LHFPL1: variants seen among roughly 807,000 people sequenced by gnomAD.
The protein encoded by LHFPL1 is LHFPL tetraspan subfamily member 1.
In LHFPL1, 4 loss-of-function variants were observed where a neutral mutation model predicts 12.1. The observed-to-expected ratio is 0.33, with a 90% confidence interval of 0.16 to 0.76. The LOEUF is 0.76. Ranked by LOEUF, LHFPL1 falls within the 30% of genes least tolerant of loss-of-function variation. The pLI, the probability that LHFPL1 is intolerant of heterozygous loss-of-function variation, is 0.61. For missense variants in LHFPL1, 141 were observed against 174.1 expected, an observed-to-expected ratio of 0.81 and a Z score of 1.07; for synonymous variants, 52 against 61.9, an observed-to-expected ratio of 0.84 and a Z score of 0.75.
In LHFPL1 at chrX:112,654,488, CTAGA is replaced by C. The variant is rs928279630; in HGVS notation, c.481+6135_481+6138del. 4.6e-4 allele frequency among the ~76,000 whole-genome samples: 51 copies of C among 110,404 alleles called. 1 individual carries two copies. Among genetic ancestry groups the C allele is most frequent in the African/African-American group, 1.4e-3 (42 of 30,486 alleles). On this transcript the variant is annotated intron_variant, in intron 3 of 3. Coordinates refer to ENST00000371968, the MANE Select transcript of LHFPL1 (RefSeq NM_178175.4). ...AAACGCAAGGTGCAGAACAGTGTAG[CTAGA>C]TAGATAGAGAGCTAGATAATATGAT...
chrX:112,647,585 C>T lies in LHFPL1; in HGVS notation c.481+13042G>A, dbSNP rs1363844818. Among the ~76,000 whole-genome samples, 6 of 112,386 alleles carry T rather than the reference C, an allele frequency of 5.3e-5. No homozygotes were observed. In the South Asian group the frequency reaches 1.5e-3, roughly 28 times the overall value. On this transcript the variant is annotated intron_variant, in intron 3 of 3. Coordinates refer to ENST00000371968, the MANE Select transcript of LHFPL1 (RefSeq NM_178175.4). Reference sequence around the variant, plus strand: ...ACATATGAAAAAAAGCTCATCATCACTGGTCATTAGAGAAATGCAAATCAA... The same window carrying T: ...ACATATGAAAAAAAGCTCATCATCATTGGTCATTAGAGAAATGCAAATCAA...
chrX:112,660,606 CA>C lies in LHFPL1; in HGVS notation c.481+20del. On this transcript the variant is annotated intron_variant, in intron 3 of 3. Transcript: ENST00000371968. ...CACATTTCCCATGAACCATCACTGC[CA>C]TCTGCCCAGGCCACCTTACCTAACT... 2 of 1,162,099 alleles carry C rather than the reference CA, an allele frequency of 1.7e-6. No individual in the cohort carries two copies. The highest frequency in any genetic ancestry group is 2.4e-6 in the Non-Finnish European group (2 of 850,723).
At chrX:112,639,546 G>T (rs904059470) in intron 3 of LHFPL1, among the ~76,000 whole-genome samples, 4 of 111,636 alleles carry the variant, frequency 3.6e-5, no homozygotes, top group African/African-American at 1.3e-4. Context: ...TCCTCATGAC[G>T]ACAGAAATGC....
rs1253369158 is a variant in LHFPL1 at position 112,631,331 on chromosome X, C to G, written c.*89G>C. On this transcript the variant is annotated 3_prime_UTR_variant, in exon 4 of 4. Transcript: ENST00000371968. ...TGCAAACACTAGGCTATGCTAATGA[C>G]AGTCAGATGACAAATGGCCTAATCC... 1.3e-6 allele frequency: 1 copy of G among 785,338 alleles called. No homozygotes were observed. Among genetic ancestry groups the G allele is most frequent in the African/African-American group, 2.1e-5 (1 of 48,009 alleles). The allele number at this position is 785,338 out of a possible 1,213,427, so 64.7% of individuals were successfully genotyped here.
At chrX:112,658,221 T>A (rs1330769845) in intron 3 of LHFPL1, among the ~76,000 whole-genome samples, 2 of 109,863 alleles carry the variant, frequency 1.8e-5, no homozygotes, top group African/African-American at 6.6e-5. Flanking sequence ...GGTCAGGAGT[T>A]CAAGAATGCC....
rs766016241 is a variant in LHFPL1, at chrX:112,658,296, G to A, written c.481+2331C>T. Among the ~76,000 whole-genome samples, 3 of 109,371 alleles carry A rather than the reference G, an allele frequency of 2.7e-5. No individual in the cohort carries two copies. The South Asian group carries it at 1.2e-3, about 44-fold the overall frequency. The allele number at this position is 109,371 out of a possible 115,157, so 95.0% of individuals were successfully genotyped here. ...AAAAATTAGCAGGGTGTGGTGGCAG[G>A]TGCCTGTAATCCCAGCTACTCAGGA... On this transcript the variant is annotated intron_variant, in intron 3 of 3. Coordinates refer to ENST00000371968, the MANE Select transcript of LHFPL1 (RefSeq NM_178175.4).
chrX:112,632,836 C>T (rs1487483246), intron 3 of LHFPL1, among the ~76,000 whole-genome samples: 1 of 111,496 alleles, frequency 9.0e-6, no homozygotes, highest in East Asian at 2.8e-4. Flanking sequence ...AATTTATCCC[C>T]ACATTTCCCA....
intron 2 of LHFPL1, among the ~76,000 whole-genome samples, chrX:112,667,636 G>A (rs1931374526): frequency 8.9e-6 from 1 of 112,441 alleles, no homozygotes; most frequent in South Asian, 3.7e-4. Flanking sequence ...ATAAACAGGG[G>A]AATGTGAATA....
At chrX:112,659,190 G>A (rs887751372) in intron 3 of LHFPL1, among the ~76,000 whole-genome samples, 33 of 111,727 alleles carry the variant, frequency 3.0e-4, no homozygotes, top group African/African-American at 1.0e-3. Context: ...GGCAGGGTGC[G>A]GTGGCTCCCT....
chrX:112,662,817 C>T (rs997980363), intron 2 of LHFPL1, among the ~76,000 whole-genome samples: 2 of 111,732 alleles, frequency 1.8e-5, no homozygotes, highest in African/African-American at 3.3e-5. Context: ...GTCCAGAGTA[C>T]GCACATTGGG....
At chrX:112,658,431 C>CA (rs1160376369) in intron 3 of LHFPL1, among the ~76,000 whole-genome samples, 463 of 40,142 alleles carry the variant, frequency 0.012, 2 homozygotes, top group African/African-American at 0.029. Flanking sequence ...TCTCAAAAAA[C>CA]AAAAAAAAAA....
intron 1 of LHFPL1, among the ~76,000 whole-genome samples, chrX:112,677,306 G>T (rs1269277057): frequency 4.5e-5 from 5 of 111,327 alleles, no homozygotes; most frequent in Non-Finnish European, 9.4e-5. Context: ...TGGTAAGAAA[G>T]GGAGTCAGTG....
At chrX:112,671,553 T>C in intron 1 of LHFPL1, 149 bp from the exon 2 acceptor site, 3 of 1,122,081 alleles carry the variant, frequency 2.7e-6, no homozygotes, top group Non-Finnish European at 3.5e-6. Context: ...GATTATTCTC[T>C]CGAGGACCAT....
chrX:112,673,464 G>C (rs762879957), intron 1 of LHFPL1, among the ~76,000 whole-genome samples: 50 of 111,492 alleles, frequency 4.5e-4, no homozygotes, highest in African/African-American at 1.6e-3. Context: ...TGTTGTATTA[G>C]AGTTTGTAAG....
At chrX:112,643,592 A>G (rs1316855427) in intron 3 of LHFPL1, among the ~76,000 whole-genome samples, 2 of 110,006 alleles carry the variant, frequency 1.8e-5, no homozygotes. Context: ...GCATGGGGGA[A>G]ACTTTCGCCA....
intron 3 of LHFPL1, among the ~76,000 whole-genome samples, chrX:112,651,885 T>C (rs1434737665): frequency 8.9e-6 from 1 of 112,376 alleles, no homozygotes; most frequent in Non-Finnish European, 1.9e-5. Context: ...TCATTGCAGT[T>C]AGGATAAAAT....
At position 112,642,365 on chromosome X, in the gene LHFPL1, AT is replaced by A. The variant is rs767048073; in HGVS notation, c.482-10765del. Among the ~76,000 whole-genome samples, 516 of 101,973 alleles carry A rather than the reference AT, an allele frequency of 5.1e-3. 2 individuals carry two copies. The highest frequency in any genetic ancestry group is 9.0e-3 in the Non-Finnish European group (449 of 49,984). The allele number at this position is 101,973 out of a possible 115,157, so 88.6% of individuals were successfully genotyped here. Reference sequence around the variant, plus strand: ...GTCTCAACAAAAAATATTAAAAAAAATAAATAAAAATTTATATTTTTTGTTG... The same window carrying A: ...GTCTCAACAAAAAATATTAAAAAAAAAAATAAAAATTTATATTTTTTGTTG... On this transcript the variant is annotated intron_variant, in intron 3 of 3. Coordinates refer to ENST00000371968, the MANE Select transcript of LHFPL1 (RefSeq NM_178175.4).
intron 3 of LHFPL1, among the ~76,000 whole-genome samples, chrX:112,646,649 T>C (rs1930697099): frequency 9.1e-6 from 1 of 110,277 alleles, no homozygotes; most frequent in African/African-American, 3.3e-5. Flanking sequence ...TTCATTCCAA[T>C]GGGGATCTCT....
intron 3 of LHFPL1, among the ~76,000 whole-genome samples, chrX:112,659,511 G>A (rs768073541): frequency 9.0e-6 from 1 of 111,142 alleles, no homozygotes; most frequent in South Asian, 3.8e-4. Context: ...ACAATGTTGT[G>A]ATTATACTAA....
Sources: gnomAD v4.1 joint callset for allele counts (sites outside exome capture counted in the v4.1 genomes callset) on GRCh38, gnomAD v4.1.1 for gene constraint, MANE v1.5 for transcripts, NCBI Gene and HGNC (gene_info 2026-07-23, HGNC 2026-07-21) for gene names.